SFI1: variants seen among roughly 807,000 people sequenced by gnomAD.
SFI1 encodes the protein protein SFI1 homolog.
SFI1 carries 195 observed loss-of-function variants against 207.5 expected under a neutral mutation model. That is an observed-to-expected ratio of 0.94 (90% confidence interval 0.84 to 1.06). The LOEUF (loss-of-function observed/expected upper bound fraction) is 1.06. SFI1 is among the 50% of genes least tolerant of loss of function. The pLI is 0.00. For missense variants in SFI1, 1,634 were observed against 1,588.0 expected, an observed-to-expected ratio of 1.03 and a Z score of -0.49; for synonymous variants, 630 against 598.9, an observed-to-expected ratio of 1.05 and a Z score of -0.76.
intron 8 of SFI1, among the ~76,000 whole-genome samples, chr22:31,566,198 A>G (rs969902133): frequency 2.9e-4 from 44 of 151,836 alleles, no homozygotes; most frequent in African/African-American, 1.0e-3. Context: ...GGTTCAAGCA[A>G]TTCTTCTGCC....
intron 6 of SFI1, among the ~76,000 whole-genome samples, chr22:31,554,208 G>C (rs976105291): frequency 2.0e-5 from 3 of 152,008 alleles, no homozygotes; most frequent in Admixed American, 2.0e-4. Context: ...GGGTCACAAA[G>C]ATTTCCTCTT....
At chr22:31,552,547 C>T (rs916874909) in intron 6 of SFI1, among the ~76,000 whole-genome samples, 2 of 152,156 alleles carry the variant, frequency 1.3e-5, no homozygotes, top group Non-Finnish European at 2.9e-5. Flanking sequence ...CCACCACGCC[C>T]GGCTGTGGTG....
intron 15 of SFI1, among the ~76,000 whole-genome samples, chr22:31,597,003 GCACA>G (rs1483238126): frequency 6.4e-5 from 9 of 140,396 alleles, no homozygotes; most frequent in South Asian, 2.4e-4. Context: ...CTGAAGACAC[GCACA>G]CACGGTACCC....
In SFI1 at chr22:31,611,786, C is replaced by A. The variant is rs2070192688; in HGVS notation, c.2436C>A (p.Thr812=). Residue 812 remains threonine (T), a synonymous_variant, in exon 24 of 33, where the codon ACC becomes ACA. Transcript: ENST00000400288. ...CCCAGCTCCTGCACAGGCAGAGCACCCAACTGCTGGCACAGAGACTCAGCC... is the reference window on the plus strand; with the variant it reads ...CCCAGCTCCTGCACAGGCAGAGCACACAACTGCTGGCACAGAGACTCAGCC... ...VRKRLLHRQS[T]QLLAQRLSRT... 6.2e-7 allele frequency: 1 copy of A among 1,613,734 alleles called. No homozygotes were observed.
Position 31,530,417 on chromosome 22 carries a change from G to A in SFI1, c.267-641G>A, listed in dbSNP as rs569787561. Among the ~76,000 whole-genome samples, 138 of 146,618 alleles carry A rather than the reference G, an allele frequency of 9.4e-4. 1 individual carries two copies. The Middle Eastern group carries it at 0.011, about 11-fold the overall frequency. On this transcript the variant is annotated intron_variant, in intron 3 of 32. Coordinates refer to ENST00000400288, the MANE Select transcript of SFI1 (RefSeq NM_001007467.3). The stretch of plus-strand genomic sequence containing the variant: ...AGGCAGGAGAATGGTGTGAACCCAG[G>A]AGGCGGAGCTTGCAGTGAGCAGACA...
chr22:31,516,257 A>C (rs535403588), intron 2 of SFI1, among the ~76,000 whole-genome samples: 5 of 152,168 alleles, frequency 3.3e-5, no homozygotes, highest in African/African-American at 9.6e-5. Flanking sequence ...TTACGTCTGG[A>C]ATTCTAGCAC....
intron 24 of SFI1, chr22:31,612,398 A>ATATATAT (rs1411274365): frequency 6.6e-5 from 4 of 60,200 alleles, no homozygotes; most frequent in African/African-American, 1.3e-4. Flanking sequence ...AAAAAAAAAA[A>ATATATAT]ATATATATAT....
chr22:31,581,889 G>A (rs1426075914), intron 12 of SFI1, among the ~76,000 whole-genome samples: 1 of 151,728 alleles, frequency 6.6e-6, no homozygotes, highest in Admixed American at 6.6e-5. Flanking sequence ...TAGACATCAT[G>A]ACACTTTGCA....
intron 8 of SFI1, among the ~76,000 whole-genome samples, chr22:31,561,750 A>C (rs1157320295): frequency 6.6e-6 from 1 of 152,214 alleles, no homozygotes; most frequent in Non-Finnish European, 1.5e-5. Context: ...GAAACTTAAG[A>C]CTGAAAAGAA....
rs1569258694 is a variant in SFI1 at position 31,542,100 on chromosome 22, T to TAA, written c.339-4761_339-4760insAA. ...TGGGTGACAGAGTGAGACCCCGTCT[T>TAA]TAAAAAAAAAAAAAAAAAAAGAAAT... On this transcript the variant is annotated intron_variant, in intron 4 of 32. Transcript: ENST00000400288. Among the ~76,000 whole-genome samples, 38 of 36,334 alleles carry TAA rather than the reference T, an allele frequency of 1.0e-3. No individual in the cohort carries two copies. The East Asian group carries it at 0.048, about 46-fold the overall frequency. The allele number at this position is 36,334 out of a possible 152,430, so 23.8% of individuals were successfully genotyped here. A position where few individuals can be genotyped will look rare whatever the true frequency, so the allele number is the denominator to read the frequency against.
chr22:31,605,993 A>G (rs138186402), intron 20 of SFI1: 3,019 of 270,226 alleles, frequency 0.011, 21 homozygotes, highest in Middle Eastern at 0.024. Context: ...ACCTTCCTCC[A>G]GGTTCCCTGT....
intron 8 of SFI1, among the ~76,000 whole-genome samples, chr22:31,568,982 G>A (rs1001956550): frequency 6.6e-6 from 1 of 152,072 alleles, no homozygotes; most frequent in Non-Finnish European, 1.5e-5. Flanking sequence ...TGTTAGGGGA[G>A]TTAACTAAAT....
At chr22:31,512,068 G>A (rs1383019129) in intron 2 of SFI1, among the ~76,000 whole-genome samples, 2 of 152,100 alleles carry the variant, frequency 1.3e-5, no homozygotes, top group East Asian at 1.9e-4. Flanking sequence ...ATTGGCCGGC[G>A]CAGTGGCTCA....
intron 15 of SFI1, among the ~76,000 whole-genome samples, chr22:31,598,741 A>ATTTTTTTTTTTTT (rs2067595528): frequency 1.1e-4 from 1 of 8,716 alleles, no homozygotes; most frequent in African/African-American, 3.7e-4. Flanking sequence ...TTTTTTTTTG[A>ATTTTTTTTTTTTT]TGAGCAGAAG....
Position 31,602,636 on chromosome 22 carries a change from G to T in SFI1, c.1656G>T (p.Leu552=), listed in dbSNP as rs1445703668. 1 of 1,614,200 alleles carries T rather than the reference G, an allele frequency of 6.2e-7. No homozygotes were observed. Among genetic ancestry groups the T allele is most frequent in the South Asian group, 1.1e-5 (1 of 91,086 alleles). ...MAILHAERQL[L]YRSWFMWHQQ... ...TCCTTCACGCAGAGCGACAGCTTCT[G>T]TATAGGTCTTGGTTCATGTGGCACC... Residue 552 remains leucine (L), a synonymous_variant, in exon 17 of 33, where the codon CTG becomes CTT. Coordinates refer to ENST00000400288, the MANE Select transcript of SFI1 (RefSeq NM_001007467.3).
At chr22:31,553,836 A>ATTT (rs1201513765) in intron 6 of SFI1, among the ~76,000 whole-genome samples, 276 of 21,948 alleles carry the variant, frequency 0.013, 12 homozygotes, top group African/African-American at 0.035. Context: ...TTAATGGATT[A>ATTT]TGTTTTTTTT....
chr22:31,544,258 A>G (rs1033681035), intron 4 of SFI1, among the ~76,000 whole-genome samples: 11 of 151,960 alleles, frequency 7.2e-5, no homozygotes, highest in Admixed American at 6.6e-5. Context: ...TTTCCTGACT[A>G]ATTTCTCTTA....
At chr22:31,555,779 A>G (rs2061102758) in intron 6 of SFI1, among the ~76,000 whole-genome samples, 1 of 152,160 alleles carries the variant, frequency 6.6e-6, no homozygotes, top group African/African-American at 2.4e-5. Context: ...ACAGCACTAT[A>G]CTAGTCCTGA....
At chr22:31,506,115 T>A (rs960361708) in intron 1 of SFI1, among the ~76,000 whole-genome samples, 1 of 27,004 alleles carries the variant, frequency 3.7e-5, no homozygotes, top group Admixed American at 4.7e-4. Flanking sequence ...AGTGGTGTGA[T>A]CTCGGTTCAC....
Sources: allele counts gnomAD v4.1 joint callset (sites outside exome capture counted in the v4.1 genomes callset), GRCh38; gene constraint gnomAD v4.1.1; transcripts MANE v1.5; gene names NCBI Gene and HGNC (gene_info 2026-07-23, HGNC 2026-07-21).